Variants in PCMTD1 observed in about 807,000 individuals in gnomAD.
PCMTD1 encodes the protein protein-L-isoaspartate (D-aspartate) O-methyltransferase domain containing 1, also known as protein-L-isoaspartate O-methyltransferase domain-containing protein 1.
PCMTD1 carries 12 observed loss-of-function variants against 37.6 expected under a neutral mutation model. The ratio of observed to expected loss-of-function variants is 0.32; its 90% CI spans 0.20 to 0.52. The LOEUF is 0.52. PCMTD1 is among the 20% of genes least tolerant of loss of function. The probability of loss-of-function intolerance (pLI) is 0.97; values close to 1 mark genes in which losing one functional copy is unlikely to be tolerated. For synonymous variants in PCMTD1, 117 were observed against 135.8 expected (o/e 0.86, Z 0.96); for missense variants, 235 against 421.3 (o/e 0.56, Z 3.87).
intron 1 of PCMTD1, among the ~76,000 whole-genome samples, chr8:51,875,391 G>T (rs935200751): frequency 6.6e-6 from 1 of 152,096 alleles, no homozygotes; most frequent in Non-Finnish European, 1.5e-5. Context: ...AATCCACACA[G>T]GTTATGGTGG....
intron 1 of PCMTD1, among the ~76,000 whole-genome samples, chr8:51,864,171 A>C (rs2038516337): frequency 6.6e-6 from 1 of 152,202 alleles, no homozygotes; most frequent in Non-Finnish European, 1.5e-5. Context: ...ACAAAGAAGC[A>C]AAGAAGGCCA....
chr8:51,852,838 G>T (rs569678894), intron 2 of PCMTD1, among the ~76,000 whole-genome samples: 1 of 152,306 alleles, frequency 6.6e-6, no homozygotes, highest in East Asian at 1.9e-4. Flanking sequence ...GGAAACAGAG[G>T]AGAAAGAAGA....
chr8:51,872,349 T>A (rs1463074422), intron 1 of PCMTD1, among the ~76,000 whole-genome samples: 1 of 152,174 alleles, frequency 6.6e-6, no homozygotes, highest in Non-Finnish European at 1.5e-5. Flanking sequence ...CCTCAGGGAA[T>A]AATGGCCTCA....
intron 1 of PCMTD1, among the ~76,000 whole-genome samples, chr8:51,865,834 A>T (rs967563851): frequency 3.3e-5 from 5 of 152,034 alleles, no homozygotes; most frequent in Non-Finnish European, 5.9e-5. Context: ...CAAGAAAAAA[A>T]AAATAAAGGG....
At chr8:51,878,250 G>GTTTTTTTTTTTTTTTTTTTT (rs375362623) in intron 1 of PCMTD1, among the ~76,000 whole-genome samples, 1 of 139,168 alleles carries the variant, frequency 7.2e-6, no homozygotes, top group Non-Finnish European at 1.5e-5. Context: ...TTTTTTTTTG[G>GTTTTTTTTTTTTTTTTTTTT]TTTTTTTTTT....
intron 4 of PCMTD1, among the ~76,000 whole-genome samples, chr8:51,832,278 T>C (rs2038008837): frequency 6.6e-6 from 1 of 152,154 alleles, no homozygotes; most frequent in African/African-American, 2.4e-5. Context: ...AAAAACAAAA[T>C]AAAAAACAAA....
At position 51,827,611 on chromosome 8, in the gene PCMTD1, G is replaced by A. The variant is rs571185509; in HGVS notation, c.706+3833C>T. Among the ~76,000 whole-genome samples the A allele has an allele frequency of 7.4e-4, 113 of 152,162 alleles. 1 individual carries two copies. Among genetic ancestry groups the A allele is most frequent in the Non-Finnish European group, 1.3e-3 (88 of 67,994 alleles). The stretch of plus-strand genomic sequence containing the variant: ...TTTGCAGGCCCAGGCATCCCCTGGA[G>A]GGTAATGGAACATACCCCCAAGAAA... On this transcript the variant is annotated intron_variant, in intron 5 of 5. Coordinates refer to ENST00000522514, the MANE Select transcript of PCMTD1 (RefSeq NM_052937.4).
intron 1 of PCMTD1, chr8:51,870,408 T>C (rs911997509): frequency 6.6e-6 from 1 of 152,108 alleles, no homozygotes; most frequent in Non-Finnish European, 1.5e-5. Context: ...AGAGATATGA[T>C]GAAATATAAA....
At chr8:51,889,497 C>G (rs1401425492) in intron 1 of PCMTD1, among the ~76,000 whole-genome samples, 4 of 152,164 alleles carry the variant, frequency 2.6e-5, no homozygotes, top group Non-Finnish European at 5.9e-5. Flanking sequence ...AGTTCTAGAT[C>G]TATCTGACAC....
chr8:51,820,270 TTC>T lies in PCMTD1; in HGVS notation c.*79_*80del, dbSNP rs373672286. 19 of 1,291,824 alleles carry T rather than the reference TTC, an allele frequency of 1.5e-5. No individual in the cohort carries two copies. The East Asian group carries it at 3.0e-4, about 20-fold the overall frequency. 80.0% of individuals were successfully genotyped at this position (1,291,824 alleles called of 1,614,324 possible). A position where few individuals can be genotyped will look rare whatever the true frequency, so the allele number is the denominator to read the frequency against. On this transcript the variant is annotated 3_prime_UTR_variant, in exon 6 of 6. Transcript: ENST00000522514. ...TAATTTGCTCTGATGAAAGAAATAATTCTCTCTTTTAACTCCTAACAAATGCT... is the reference window on the plus strand; with the variant it reads ...TAATTTGCTCTGATGAAAGAAATAATTCTCTTTTAACTCCTAACAAATGCT...
chr8:51,863,652 T>C (rs1165789741), intron 1 of PCMTD1, among the ~76,000 whole-genome samples: 1 of 152,186 alleles, frequency 6.6e-6, no homozygotes, highest in African/African-American at 2.4e-5. Context: ...CCAGATGCGG[T>C]GGCTCACGCC....
chr8:51,831,962 C>T (rs1457205978), intron 4 of PCMTD1, among the ~76,000 whole-genome samples: 1 of 152,190 alleles, frequency 6.6e-6, no homozygotes, highest in Non-Finnish European at 1.5e-5. Context: ...ATGTTGACTT[C>T]ATGCTCTTCC....
intron 2 of PCMTD1, among the ~76,000 whole-genome samples, chr8:51,851,273 C>A (rs1454351849): frequency 6.6e-6 from 1 of 152,150 alleles, no homozygotes; most frequent in African/African-American, 2.4e-5. Context: ...GTCCCTCAGG[C>A]TCCTCTCAGT....
Position 51,848,552 on chromosome 8 carries a change from C to T in PCMTD1, c.308-2789G>A, listed in dbSNP as rs1011533755. ...AGTTCTAGGCTCTCAGTTAAAGACG[C>T]CACTGGTCTCTTTTTCGTTTTATTT... On this transcript the variant is annotated intron_variant, in intron 2 of 5. Transcript: ENST00000522514. Among the ~76,000 whole-genome samples, 6 of 152,150 alleles carry T rather than the reference C, an allele frequency of 3.9e-5. No homozygotes were observed. The East Asian group carries it at 5.8e-4, about 15-fold the overall frequency.
At chr8:51,863,569 C>T (rs2038505780) in intron 1 of PCMTD1, among the ~76,000 whole-genome samples, 1 of 152,164 alleles carries the variant, frequency 6.6e-6, no homozygotes, top group Admixed American at 6.5e-5. Context: ...GGTGGATCAC[C>T]TGAGGCCAGG....
rs1390877216 is a variant in PCMTD1, at chr8:51,820,163, T to C, written c.*188A>G. On this transcript the variant is annotated 3_prime_UTR_variant, in exon 6 of 6. Transcript: ENST00000522514. The stretch of plus-strand genomic sequence containing the variant: ...CATTTTTCCAAGATTTAAAGAAAAA[T>C]AGATTTTATAAAAGGGATTCTTTTA... 2.1e-5 allele frequency: 10 copies of C among 472,474 alleles called. No individual in the cohort carries two copies. Among genetic ancestry groups the C allele is most frequent in the South Asian group, 1.2e-4 (2 of 16,660 alleles). The allele number at this position is 472,474 out of a possible 1,614,324, so 29.3% of individuals were successfully genotyped here.
chr8:51,847,974 G>A (rs1480710393), intron 2 of PCMTD1, among the ~76,000 whole-genome samples: 6 of 152,056 alleles, frequency 3.9e-5, no homozygotes, highest in Admixed American at 2.0e-4. Flanking sequence ...CCAGCTACTC[G>A]AGAGGCTGAG....
At position 51,892,593 on chromosome 8, in the gene PCMTD1, C is replaced by T. The variant is rs531786007; in HGVS notation, c.-96+6337G>A. On this transcript the variant is annotated intron_variant, in intron 1 of 5. Transcript: ENST00000522514. ...TTCTTCCTTCAAAGTGTTGTCACAA[C>T]GGTTGTAATAGTTAGAAACTAAATG... Among the ~76,000 whole-genome samples the T allele has an allele frequency of 7.9e-5, 12 of 152,264 alleles. No homozygotes were observed. In the South Asian group the frequency reaches 1.4e-3, roughly 18 times the overall value.
intron 1 of PCMTD1, among the ~76,000 whole-genome samples, chr8:51,882,954 C>T (rs957219543): frequency 2.8e-5 from 4 of 143,122 alleles, no homozygotes; most frequent in African/African-American, 1.0e-4. Context: ...GGTGAAACTC[C>T]GTCTTTACTA....
Sources: gnomAD v4.1 joint callset for allele counts (sites outside exome capture counted in the v4.1 genomes callset) on GRCh38, gnomAD v4.1.1 for gene constraint, MANE v1.5 for transcripts, NCBI Gene and HGNC (gene_info 2026-07-23, HGNC 2026-07-21) for gene names.